Variants in WASF1 observed in about 807,000 individuals in gnomAD.
WASF1 encodes the protein WASP family member 1, also known as actin-binding protein WASF1.
WASF1 carries 7 observed loss-of-function variants against 50.5 expected under a neutral mutation model. The observed-to-expected ratio is 0.14, with a 90% confidence interval of 0.08 to 0.26. WASF1 has a LOEUF of 0.26. WASF1 is among the 10% of genes least tolerant of loss of function. WASF1 has a pLI of 1.00. For synonymous variants in WASF1, 205 were observed against 244.0 expected, an observed-to-expected ratio of 0.84 and a Z score of 1.49; for missense variants, 470 against 694.7, an observed-to-expected ratio of 0.68 and a Z score of 3.64.
Position 110,108,529 on chromosome 6 carries a change from T to C in WASF1, c.421A>G (p.Arg141Gly). ...GCTACTATTTATTAACCTACCTACCTATAAGGAGTGAGTATATTGAGAGGT... is the reference window on the plus strand; with the variant it reads ...GCTACTATTTATTAACCTACCTACCCATAAGGAGTGAGTATATTGAGAGGT... ...PPPLNILTPY[R>G]DDGKEGLKFY... The change falls in exon 6 of 11, where the codon AGA becomes GGA. Residue 141 changes from arginine (R) to glycine (G), a missense_variant and splice_region_variant. Arg to Gly is a moderately radical substitution (Grantham distance 125, BLOSUM62 -2). Coordinates refer to ENST00000392589, the MANE Select transcript of WASF1 (RefSeq NM_003931.3). 6.2e-7 allele frequency: 1 copy of C among 1,611,526 alleles called. No homozygotes were observed. Among genetic ancestry groups the C allele is most frequent in the South Asian group, 1.1e-5 (1 of 90,680 alleles).
At chr6:110,117,194 G>A (rs1773853426) in intron 4 of WASF1, among the ~76,000 whole-genome samples, 1 of 152,072 alleles carries the variant, frequency 6.6e-6, no homozygotes, top group South Asian at 2.1e-4. Flanking sequence ...GCTTCACAAG[G>A]TTGGTAATAA....
intron 5 of WASF1, among the ~76,000 whole-genome samples, chr6:110,112,073 T>C (rs147528213): frequency 1.1e-4 from 16 of 151,328 alleles, no homozygotes; most frequent in African/African-American, 3.2e-4. Flanking sequence ...TATTTACACA[T>C]TGGATTATTT....
intron 4 of WASF1, among the ~76,000 whole-genome samples, chr6:110,124,217 C>CCT (rs1218286757): frequency 1.5e-5 from 1 of 66,160 alleles, no homozygotes; most frequent in Admixed American, 1.5e-4. Context: ...CTCTCTCTCT[C>CCT]CTCTCTCTCC....
chr6:110,154,737 C>T (rs77948076), intron 3 of WASF1, among the ~76,000 whole-genome samples: 2,629 of 152,016 alleles, frequency 0.017, 74 homozygotes, highest in African/African-American at 0.059. Flanking sequence ...AAACACACCA[C>T]AAATTTGGAA....
intron 5 of WASF1, among the ~76,000 whole-genome samples, chr6:110,108,993 A>G (rs963701224): frequency 6.6e-6 from 1 of 152,140 alleles, no homozygotes; most frequent in Non-Finnish European, 1.5e-5. Flanking sequence ...ACCTGCCATC[A>G]TGGGCCCCCA....
chr6:110,116,572 A>G (rs894961008), intron 4 of WASF1, among the ~76,000 whole-genome samples: 5 of 151,990 alleles, frequency 3.3e-5, no homozygotes, highest in African/African-American at 2.4e-5. Context: ...TATTCCCTCT[A>G]TAAATTCCAC....
At chr6:110,107,630 A>G (rs1226401364) in intron 6 of WASF1, among the ~76,000 whole-genome samples, 1 of 152,204 alleles carries the variant, frequency 6.6e-6, no homozygotes, top group Non-Finnish European at 1.5e-5. Flanking sequence ...ATATCATGTA[A>G]TAGTCATTCT....
chr6:110,159,513 A>C (rs915052022), intron 3 of WASF1, among the ~76,000 whole-genome samples: 1 of 151,836 alleles, frequency 6.6e-6, no homozygotes, highest in African/African-American at 2.4e-5. Flanking sequence ...AGGGGTCTTC[A>C]AATAGCAACT....
intron 3 of WASF1, among the ~76,000 whole-genome samples, chr6:110,148,564 T>C (rs1042079606): frequency 6.6e-6 from 1 of 152,140 alleles, no homozygotes; most frequent in South Asian, 2.1e-4. Context: ...CAAGCCATCA[T>C]GGGTGAAGTG....
intron 5 of WASF1, among the ~76,000 whole-genome samples, chr6:110,113,102 T>C (rs1773640887): frequency 6.6e-6 from 1 of 152,062 alleles, no homozygotes; most frequent in South Asian, 2.1e-4. Context: ...TTAGGAGCTG[T>C]TTAGTGTACA....
chr6:110,152,774 A>G (rs1277104705), intron 3 of WASF1, among the ~76,000 whole-genome samples: 1 of 152,224 alleles, frequency 6.6e-6, no homozygotes, highest in East Asian at 1.9e-4. Context: ...TAATTCGTTA[A>G]GCAGTGATAG....
In WASF1 at chr6:110,140,331, A is replaced by G. The variant is rs75913919; in HGVS notation, c.-28-12702T>C. ...CCTTCCCCTATAACTTGCCCCATGC[A>G]TTCTTATCTATGTTCCTTGTAATAC... On this transcript the variant is annotated intron_variant, in intron 3 of 10. Transcript: ENST00000392589. Among the ~76,000 whole-genome samples, 1,113 of 152,290 alleles carry G rather than the reference A, an allele frequency of 7.3e-3. 4 individuals are homozygous for G. The highest frequency in any genetic ancestry group is 0.011 in the Non-Finnish European group (767 of 68,014).
chr6:110,140,226 C>G (rs1457584358), intron 3 of WASF1, among the ~76,000 whole-genome samples: 1 of 152,194 alleles, frequency 6.6e-6, no homozygotes, highest in Non-Finnish European at 1.5e-5. Context: ...AAGGATGGGT[C>G]TGGAGAGCTT....
chr6:110,116,193 C>T (rs1033382712), intron 4 of WASF1, among the ~76,000 whole-genome samples: 1 of 152,218 alleles, frequency 6.6e-6, no homozygotes, highest in Admixed American at 6.5e-5. Flanking sequence ...ACAGTGGGTG[C>T]AGCCCACAGA....
intron 2 of WASF1, among the ~76,000 whole-genome samples, chr6:110,172,884 G>A (rs1211792379): frequency 1.3e-5 from 2 of 152,094 alleles, no homozygotes; most frequent in African/African-American, 2.4e-5. Context: ...ATATATCCAT[G>A]TAACTAAACT....
At chr6:110,115,565 A>G (rs1773767193) in intron 4 of WASF1, among the ~76,000 whole-genome samples, 1 of 152,234 alleles carries the variant, frequency 6.6e-6, no homozygotes, top group Non-Finnish European at 1.5e-5. Context: ...TTAGTTTCAC[A>G]CTGAAGGTGT....
At chr6:110,111,798 T>C (rs1419192894) in intron 5 of WASF1, among the ~76,000 whole-genome samples, 2 of 152,098 alleles carry the variant, frequency 1.3e-5, no homozygotes, top group East Asian at 3.9e-4. Context: ...GAGTGACTGC[T>C]AATGAGTACA....
chr6:110,159,785 T>A (rs1479296227), intron 3 of WASF1, among the ~76,000 whole-genome samples: 1 of 151,892 alleles, frequency 6.6e-6, no homozygotes, highest in Non-Finnish European at 1.5e-5. Flanking sequence ...GAAGGTAACT[T>A]TATGTAACAC....
intron 3 of WASF1, among the ~76,000 whole-genome samples, chr6:110,154,796 T>A (rs892612177): frequency 6.6e-6 from 1 of 152,156 alleles, no homozygotes; most frequent in Admixed American, 6.5e-5. Flanking sequence ...TCAGCCATGG[T>A]TTATAACTTT....
Sources: allele counts gnomAD v4.1 joint callset (sites outside exome capture counted in the v4.1 genomes callset), GRCh38; gene constraint gnomAD v4.1.1; transcripts MANE v1.5; gene names NCBI Gene and HGNC (gene_info 2026-07-23, HGNC 2026-07-21).